Variants in PRELID2 observed in about 807,000 individuals in gnomAD.
PRELID2 encodes PRELI domain containing 2.
A neutral mutation model predicts 28.4 loss-of-function variants in PRELID2; 25 were observed. The observed-to-expected ratio is 0.88, with a 90% CI of 0.64 to 1.23. The LOEUF is 1.23. Ranked by LOEUF, PRELID2 falls within the 50% of genes most tolerant of loss-of-function variation. The probability of loss-of-function intolerance (pLI) is 0.00; values close to 1 mark genes in which losing one functional copy is unlikely to be tolerated. For synonymous variants in PRELID2, 76 were observed against 71.6 expected (o/e 1.06, Z -0.31); for missense variants, 201 against 214.4 (o/e 0.94, Z 0.39).
intron 1 of PRELID2, among the ~76,000 whole-genome samples, chr5:145,488,235 A>G (rs987476681): frequency 2.0e-5 from 3 of 151,986 alleles, no homozygotes. Context: ...TCAAGATGCT[A>G]GTGAGCTAGT....
intron 2 of PRELID2, 71 bp downstream of exon 2, chr5:145,823,006 C>T (rs144568753): frequency 2.5e-4 from 209 of 847,336 alleles, no homozygotes; most frequent in African/African-American, 2.3e-3. Context: ...CACACACACA[C>T]GTACACACAT....
At chr5:145,576,391 C>G (rs72811538) in intron 1 of PRELID2, among the ~76,000 whole-genome samples, 1 of 152,088 alleles carries the variant, frequency 6.6e-6, no homozygotes, top group Admixed American at 6.6e-5. Context: ...TTGTGTCTGG[C>G]TTCCTTTGCT....
At chr5:145,716,605 T>C (rs1328915810) in intron 1 of PRELID2, among the ~76,000 whole-genome samples, 2 of 152,190 alleles carry the variant, frequency 1.3e-5, no homozygotes, top group East Asian at 3.8e-4. Context: ...TATTCATCTT[T>C]CCTTTGAGTT....
chr5:145,491,525 CTTACATAG>C (rs1752268339), intron 1 of PRELID2, among the ~76,000 whole-genome samples: 1 of 152,030 alleles, frequency 6.6e-6, no homozygotes, highest in Non-Finnish European at 1.5e-5. Context: ...TATGCATTAC[CTTACATAG>C]TTATCATTTT....
At chr5:145,404,470 G>C in the PRELID2 span, among the ~76,000 whole-genome samples, 1 of 152,152 alleles carries the variant, frequency 6.6e-6, no homozygotes, top group Non-Finnish European at 1.5e-5. Flanking sequence ...CACTATGTTA[G>C]GCAGAGTGAA....
intron 2 of PRELID2, among the ~76,000 whole-genome samples, chr5:145,820,382 T>C (rs1034058762): frequency 1.3e-5 from 2 of 152,146 alleles, no homozygotes; most frequent in African/African-American, 2.4e-5. Flanking sequence ...TAACTCAGAA[T>C]GCACACTCCA....
chr5:145,640,400 C>T lies in PRELID2; in HGVS notation n.70+124531G>A, dbSNP rs372192859. Among the ~76,000 whole-genome samples the T allele has an allele frequency of 3.0e-3, 438 of 148,416 alleles. 2 individuals carry two copies. The highest frequency in any genetic ancestry group is 4.4e-3 in the Admixed American group (64 of 14,578). On this transcript the variant is annotated intron_variant and non_coding_transcript_variant, in intron 1 of 2. Transcript: ENST00000510259. ...CTGAGGCAGGAGAATGGCGTGAACC[C>T]GGGAGGCGGAGCTTGCAGTGAGCCG...
At chr5:145,489,919 A>G (rs1752251857) in intron 1 of PRELID2, among the ~76,000 whole-genome samples, 1 of 152,222 alleles carries the variant, frequency 6.6e-6, no homozygotes, top group South Asian at 2.1e-4. Context: ...CAAAAAAATT[A>G]TCCATTATTT....
At chr5:145,464,488 T>C in the PRELID2 span, among the ~76,000 whole-genome samples, 34,700 of 152,126 alleles carry the variant, frequency 0.23, 4,267 homozygotes, top group South Asian at 0.35. Flanking sequence ...AGGCAAGAAG[T>C]CTGTCTTCAA....
the PRELID2 span, among the ~76,000 whole-genome samples, chr5:145,277,167 AT>A: frequency 7.9e-5 from 12 of 152,112 alleles, no homozygotes; most frequent in African/African-American, 2.4e-4. Flanking sequence ...GACTGTATGG[AT>A]TACTACTGTG....
intron 1 of PRELID2, among the ~76,000 whole-genome samples, chr5:145,553,812 T>C (rs1346987351): frequency 1.3e-5 from 2 of 152,128 alleles, no homozygotes; most frequent in African/African-American, 4.8e-5. Flanking sequence ...ACTCTTGAAA[T>C]TGGATGCGGA....
chr5:145,349,725 C>A, the PRELID2 span, among the ~76,000 whole-genome samples: 2 of 152,066 alleles, frequency 1.3e-5, no homozygotes, highest in Non-Finnish European at 2.9e-5. Flanking sequence ...GGACCTATAG[C>A]TATTTCAGAA....
At chr5:145,741,681 A>T (rs370903493) in intron 1 of PRELID2, among the ~76,000 whole-genome samples, 667 of 3,202 alleles carry the variant, frequency 0.21, 252 homozygotes, top group African/African-American at 0.43. Context: ...ATAATTTATA[A>T]ATAATTTATT....
the PRELID2 span, among the ~76,000 whole-genome samples, chr5:145,275,599 A>T: frequency 6.6e-6 from 1 of 152,168 alleles, no homozygotes; most frequent in Non-Finnish European, 1.5e-5. Context: ...ATGAGTATGG[A>T]GCCATAAGCG....
chr5:145,531,304 A>T (rs1468267355), intron 1 of PRELID2, among the ~76,000 whole-genome samples: 2 of 152,288 alleles, frequency 1.3e-5, no homozygotes, highest in Admixed American at 6.5e-5. Context: ...AGACTAAAAA[A>T]TCTTGTCCAT....
At chr5:145,350,473 T>C in the PRELID2 span, among the ~76,000 whole-genome samples, 2 of 152,146 alleles carry the variant, frequency 1.3e-5, no homozygotes, top group Non-Finnish European at 2.9e-5. Flanking sequence ...GGAAGATAGC[T>C]AGCCTGTAGT....
chr5:145,756,521 T>G lies in PRELID2; in HGVS notation c.*4015A>C, dbSNP rs1224706711. 1.3e-5 allele frequency among the ~76,000 whole-genome samples: 2 copies of G among 152,192 alleles called. No individual in the cohort carries two copies. The highest frequency in any genetic ancestry group is 4.8e-5 in the African/African-American group (2 of 41,464). On this transcript the variant is annotated 3_prime_UTR_variant, in exon 7 of 7. Coordinates refer to ENST00000683046, the MANE Select transcript of PRELID2 (RefSeq NM_205846.3). ...TTAAGTTTCACATTATAGAACTGAA[T>G]ACACAAAAACACTAACACAGCTGGG...
At chr5:145,419,229 C>A in the PRELID2 span, among the ~76,000 whole-genome samples, 10 of 147,570 alleles carry the variant, frequency 6.8e-5, no homozygotes, top group African/African-American at 2.2e-4. Context: ...ATTTATAGTC[C>A]TTTGGGTATA....
Position 145,714,911 on chromosome 5 carries a change from C to A in PRELID2, n.70+50020G>T, listed in dbSNP as rs765366420. Among the ~76,000 whole-genome samples, 12 of 152,128 alleles carry A rather than the reference C, an allele frequency of 7.9e-5. 1 individual carries two copies. Among genetic ancestry groups the A allele is most frequent in the Non-Finnish European group, 8.8e-5 (6 of 68,002 alleles). The stretch of plus-strand genomic sequence containing the variant: ...CTACTTATTCCTAACCACTCAGCAG[C>A]TAATCCTGGGCCTCTTTCTCTATTT... On this transcript the variant is annotated intron_variant and non_coding_transcript_variant, in intron 1 of 2. Coordinates refer to the PRELID2 transcript ENST00000510259.
Sources: gnomAD v4.1 joint callset for allele counts (sites outside exome capture counted in the v4.1 genomes callset) on GRCh38, gnomAD v4.1.1 for gene constraint, MANE v1.5 for transcripts, NCBI Gene and HGNC (gene_info 2026-07-23, HGNC 2026-07-21) for gene names.